Variants in TEX9 observed in about 807,000 individuals in gnomAD.
The protein encoded by TEX9 is testis expressed 9.
A neutral mutation model predicts 59.6 loss-of-function variants in TEX9; 74 were observed. That is an observed-to-expected ratio of 1.24 (90% CI 1.03 to 1.51). The LOEUF (loss-of-function observed/expected upper bound fraction) is 1.51, where lower values mean the gene tolerates loss of function less well. Ranked by LOEUF, TEX9 falls within the 40% of genes most tolerant of loss-of-function variation. TEX9 has a pLI of 0.00. For missense variants in TEX9, 522 were observed against 447.8 expected, an observed-to-expected ratio of 1.17 and a Z score of -1.49; for synonymous variants, 186 against 152.2, an observed-to-expected ratio of 1.22 and a Z score of -1.64.
intron 1 of TEX9, among the ~76,000 whole-genome samples, chr15:56,258,804 T>C (rs1162582628): frequency 6.6e-6 from 1 of 151,674 alleles, no homozygotes; most frequent in Non-Finnish European, 1.5e-5. Context: ...AAGTTTTTGC[T>C]CATTTTGTTT....
chr15:56,426,626 T>TATATATATATATATATATATATACAC (rs1214988827), intron 10 of TEX9, among the ~76,000 whole-genome samples: 1 of 47,178 alleles, frequency 2.1e-5, no homozygotes, highest in Non-Finnish European at 5.0e-5. Context: ...TATATATATA[T>TATATATATATATATATATATATACAC]ACACACACAC....
chr15:56,437,774 G>C (rs545701734), intron 12 of TEX9, among the ~76,000 whole-genome samples: 1 of 152,230 alleles, frequency 6.6e-6, no homozygotes, highest in African/African-American at 2.4e-5. Flanking sequence ...AAAGTCTCAG[G>C]ATACAAAATC....
intron 10 of TEX9, among the ~76,000 whole-genome samples, chr15:56,417,998 A>AC (rs1277997035): frequency 1.3e-5 from 2 of 149,368 alleles, no homozygotes; most frequent in African/African-American, 4.9e-5. Context: ...TAGAATTGCA[A>AC]CCCCTGCTTT....
In TEX9 at chr15:56,343,077, G is replaced by A. The variant is rs12101310; in HGVS notation, c.-106-30364G>A. ...GTAACATAGCAGGAGAAAGGAGTTA[G>A]GGCCATGAAAAAGAAAACATATGAT... On this transcript the variant is annotated intron_variant, in intron 1 of 5. Coordinates refer to the TEX9 transcript ENST00000560827. 2.8e-3 allele frequency among the ~76,000 whole-genome samples: 432 copies of A among 152,158 alleles called. 1 individual carries two copies. Among genetic ancestry groups the A allele is most frequent in the African/African-American group, 9.8e-3 (409 of 41,524 alleles).
intron 9 of TEX9, among the ~76,000 whole-genome samples, chr15:56,410,594 A>C (rs567843637): frequency 2.8e-4 from 42 of 152,256 alleles, no homozygotes; most frequent in African/African-American, 9.4e-4. Flanking sequence ...ACTCATATAG[A>C]AAACTTTACT....
At chr15:56,438,666 C>G (rs2050769037) in intron 12 of TEX9, among the ~76,000 whole-genome samples, 1 of 152,122 alleles carries the variant, frequency 6.6e-6, no homozygotes. Flanking sequence ...AACTAAAGAG[C>G]TTCCGCACAG....
chr15:56,430,293 A>G (rs1487704653), intron 12 of TEX9, among the ~76,000 whole-genome samples, 139 bp downstream of exon 12: 2 of 152,134 alleles, frequency 1.3e-5, no homozygotes, highest in Admixed American at 1.3e-4. Context: ...TGCAGCTTCA[A>G]CTTTCCAGGC....
intron 12 of TEX9, among the ~76,000 whole-genome samples, chr15:56,437,383 G>C (rs1335133462): frequency 6.6e-6 from 1 of 152,072 alleles, no homozygotes; most frequent in African/African-American, 2.4e-5. Flanking sequence ...TATCTCAATA[G>C]ATGCAAAAAA....
At chr15:56,444,766 C>A in intron 12 of TEX9, 1 of 1,104,360 alleles carries the variant, frequency 9.1e-7, no homozygotes, top group Admixed American at 2.4e-5. Flanking sequence ...ATTATAAAGT[C>A]TTTTACATAA....
chr15:56,330,104 G>T (rs1366684680), intron 1 of TEX9, among the ~76,000 whole-genome samples: 1 of 151,852 alleles, frequency 6.6e-6, no homozygotes. Context: ...AACCTTATGG[G>T]CCAGGAGAGA....
intron 1 of TEX9, among the ~76,000 whole-genome samples, chr15:56,325,575 AACAGTATT>A (rs2046003465): frequency 6.6e-6 from 1 of 152,202 alleles, no homozygotes; most frequent in African/African-American, 2.4e-5. Context: ...TGGGGGATCC[AACAGTATT>A]ACACATTGGC....
At chr15:56,413,386 T>A (rs1032196422) in intron 10 of TEX9, among the ~76,000 whole-genome samples, 4 of 150,604 alleles carry the variant, frequency 2.7e-5, no homozygotes, top group Non-Finnish European at 5.9e-5. Context: ...TTTAATAATT[T>A]AAAAATTTTA....
intron 1 of TEX9, among the ~76,000 whole-genome samples, chr15:56,321,485 A>C (rs143799636): frequency 2.6e-5 from 4 of 152,310 alleles, no homozygotes; most frequent in African/African-American, 9.6e-5. Context: ...GGATCTTTGG[A>C]CTTTGGTAAA....
At chr15:56,327,062 T>C (rs2046034059) in intron 1 of TEX9, among the ~76,000 whole-genome samples, 1 of 152,202 alleles carries the variant, frequency 6.6e-6, no homozygotes, top group Non-Finnish European at 1.5e-5. Flanking sequence ...ATCAAAATAA[T>C]GATTAACATT....
chr15:56,328,623 G>A (rs1411996246), intron 1 of TEX9, among the ~76,000 whole-genome samples: 2 of 152,334 alleles, frequency 1.3e-5, no homozygotes, highest in East Asian at 3.9e-4. Flanking sequence ...GACTTAAAGT[G>A]AATATTGGCA....
chr15:56,394,723 G>T (rs1184158011), exon 9 of TEX9: 1 of 1,610,700 alleles, frequency 6.2e-7, no homozygotes, highest in East Asian at 2.2e-5. Context: ...TTATGAGACA[G>T]CAGCGAACAA....
intron 3 of TEX9, among the ~76,000 whole-genome samples, chr15:56,377,770 T>C (rs186210553): frequency 6.6e-6 from 1 of 152,280 alleles, no homozygotes; most frequent in African/African-American, 2.4e-5. Context: ...TTGAGTACTA[T>C]GTTGAATAAC....
intron 10 of TEX9, among the ~76,000 whole-genome samples, chr15:56,420,939 T>C (rs1325396869): frequency 1.3e-5 from 2 of 151,954 alleles, no homozygotes; most frequent in African/African-American, 2.4e-5. Flanking sequence ...TCTAAATTTA[T>C]GGATACTTTT....
intron 10 of TEX9, among the ~76,000 whole-genome samples, chr15:56,423,471 T>G (rs2050084285): frequency 2.0e-5 from 3 of 152,198 alleles, no homozygotes; most frequent in African/African-American, 7.2e-5. Flanking sequence ...TGGGGAATGT[T>G]CCATGTGCAC....
Sources: gnomAD v4.1 joint callset for allele counts (sites outside exome capture counted in the v4.1 genomes callset) on GRCh38, gnomAD v4.1.1 for gene constraint, MANE v1.5 for transcripts, NCBI Gene and HGNC (gene_info 2026-07-23, HGNC 2026-07-21) for gene names.